Variants in MYO1D observed in about 807,000 individuals in gnomAD.
MYO1D encodes the protein myosin ID.
In MYO1D, 83 loss-of-function variants were observed where a neutral mutation model predicts 122.0. The observed-to-expected ratio is 0.68, with a 90% CI of 0.57 to 0.82. The LOEUF is 0.82. Among genes scored for constraint, MYO1D ranks in the 40% least tolerant of loss-of-function variants. The pLI, the probability that MYO1D is intolerant of heterozygous loss-of-function variation, is 0.00. For missense variants in MYO1D, 1,157 were observed against 1,269.5 expected (o/e 0.91, Z 1.35); for synonymous variants, 464 against 446.9 (o/e 1.04, Z -0.48).
intron 1 of MYO1D, among the ~76,000 whole-genome samples, chr17:32,842,082 CG>C (rs1274334838): frequency 6.6e-6 from 1 of 152,132 alleles, no homozygotes; most frequent in Non-Finnish European, 1.5e-5. Flanking sequence ...CAGCAAGTCT[CG>C]GCAGCCCCAA....
At chr17:32,841,851 A>T (rs932028645) in intron 1 of MYO1D, among the ~76,000 whole-genome samples, 1 of 152,130 alleles carries the variant, frequency 6.6e-6, no homozygotes, top group East Asian at 1.9e-4. Flanking sequence ...TCAGGTCTGC[A>T]GGGTATTTCT....
At position 32,825,947 on chromosome 17, in the gene MYO1D, G is replaced by C. The variant is rs563359600; in HGVS notation, c.96-45163C>G. ...CGCTTGTAGTCCCAGTTACTGGGAG[G>C]CTGAGGCAGGAGGATTGCCTCAGCC... On this transcript the variant is annotated intron_variant, in intron 1 of 21. Transcript: ENST00000318217. 4.6e-5 allele frequency among the ~76,000 whole-genome samples: 7 copies of C among 151,548 alleles called. No individual in the cohort carries two copies. In the South Asian group the frequency reaches 1.0e-3, roughly 23 times the overall value.
intron 20 of MYO1D, among the ~76,000 whole-genome samples, chr17:32,618,780 G>A (rs575515307): frequency 6.6e-6 from 1 of 151,922 alleles, no homozygotes; most frequent in African/African-American, 2.4e-5. Flanking sequence ...GATTACAGGC[G>A]ACTGCCACCA....
At chr17:32,796,978 GT>G (rs374568670) in intron 1 of MYO1D, among the ~76,000 whole-genome samples, 140 of 146,282 alleles carry the variant, frequency 9.6e-4, no homozygotes, top group African/African-American at 2.8e-3. Flanking sequence ...CACTTTTGTT[GT>G]TTTTTTTTTT....
At chr17:32,669,918 A>C (rs894552631) in intron 16 of MYO1D, among the ~76,000 whole-genome samples, 5 of 146,924 alleles carry the variant, frequency 3.4e-5, no homozygotes, top group Non-Finnish European at 7.5e-5. Flanking sequence ...TTTCAGGTGG[A>C]GTCTCACTCT....
At chr17:32,644,175 C>A (rs1286285504) in intron 19 of MYO1D, among the ~76,000 whole-genome samples, 1 of 151,944 alleles carries the variant, frequency 6.6e-6, no homozygotes, top group Non-Finnish European at 1.5e-5. Flanking sequence ...CGTTATGTAC[C>A]CAGTAGTTAT....
intron 21 of MYO1D, among the ~76,000 whole-genome samples, chr17:32,522,503 T>C (rs185671231): frequency 1.3e-5 from 2 of 152,338 alleles, no homozygotes; most frequent in East Asian, 3.9e-4. Context: ...AGTGAACATA[T>C]TAGGAAGACA....
At chr17:32,688,610 CA>C (rs1345564649) in intron 16 of MYO1D, among the ~76,000 whole-genome samples, 1 of 152,176 alleles carries the variant, frequency 6.6e-6, no homozygotes, top group Non-Finnish European at 1.5e-5. Context: ...GGTGAAAAAG[CA>C]GAGATGTTTG....
At position 32,655,415 on chromosome 17, in the gene MYO1D, C is replaced by T. The variant is rs2088462135; in HGVS notation, c.2346-794G>A. Among the ~76,000 whole-genome samples, 9 of 152,046 alleles carry T rather than the reference C, an allele frequency of 5.9e-5. 1 individual carries two copies. The South Asian group carries it at 1.5e-3, about 25-fold the overall frequency. On this transcript the variant is annotated intron_variant, in intron 17 of 21. Coordinates refer to ENST00000318217, the MANE Select transcript of MYO1D (RefSeq NM_015194.3). ...ATGGTGAAGGTAAGGCAAGGAGGAC[C>T]GGGAGTGTGGAAGATGGAAGGAATG... is the stretch of plus-strand genomic sequence containing the variant.
rs144095427 is a variant in MYO1D, at chr17:32,862,442, T to C, written c.95+14336A>G. Among the ~76,000 whole-genome samples the C allele has an allele frequency of 2.1e-3, 325 of 152,324 alleles. 1 individual carries two copies. Among genetic ancestry groups the C allele is most frequent in the African/African-American group, 6.9e-3 (289 of 41,584 alleles). ...GCATGGAAAAGCATTTAAGATACCA[T>C]GCTATGTGAGAAAACAGTTTACAAA... On this transcript the variant is annotated intron_variant, in intron 1 of 21. Transcript: ENST00000318217.
At chr17:32,667,296 C>G (rs1390398583) in intron 16 of MYO1D, among the ~76,000 whole-genome samples, 1 of 152,124 alleles carries the variant, frequency 6.6e-6, no homozygotes, top group African/African-American at 2.4e-5. Flanking sequence ...CTGAATTATT[C>G]CTCTTCCATT....
intron 16 of MYO1D, among the ~76,000 whole-genome samples, chr17:32,707,958 G>A (rs1360067709): frequency 6.6e-6 from 1 of 152,104 alleles, no homozygotes; most frequent in Non-Finnish European, 1.5e-5. Context: ...GAAGACTCTT[G>A]GAAGCCTGCT....
chr17:32,653,853 TG>T lies in MYO1D; in HGVS notation c.2584del (p.His862ThrfsTer5). On this transcript the variant is annotated frameshift_variant, in exon 19 of 22. Transcript: ENST00000318217. LOFTEE classifies it high-confidence loss of function. ...DKYMNVLFSC[H>X]VRKVNRFSKV... is the part of the protein sequence containing the mutation. ...TTAAGCTTGCCTTACCTTACGGACG[TG>T]ACAGGAAAAGAGGACATTCATGTAT... 1 of 1,613,412 alleles carries T rather than the reference TG, an allele frequency of 6.2e-7. No homozygotes were observed. Among genetic ancestry groups the T allele is most frequent in the Non-Finnish European group, 8.5e-7 (1 of 1,179,464 alleles).
At chr17:32,750,763 C>T (rs557495230) in intron 11 of MYO1D, among the ~76,000 whole-genome samples, 1 of 152,272 alleles carries the variant, frequency 6.6e-6, no homozygotes, top group South Asian at 2.1e-4. Context: ...TAGAGTCAGA[C>T]CTCCACGGTT....
At chr17:32,832,968 A>G (rs1194451962) in intron 1 of MYO1D, among the ~76,000 whole-genome samples, 1 of 152,220 alleles carries the variant, frequency 6.6e-6, no homozygotes, top group Non-Finnish European at 1.5e-5. Flanking sequence ...AGTGTTGTAT[A>G]TGGTACTCCC....
At chr17:32,722,571 G>A (rs949090336) in intron 14 of MYO1D, among the ~76,000 whole-genome samples, 1 of 152,078 alleles carries the variant, frequency 6.6e-6, no homozygotes, top group Admixed American at 6.5e-5. Flanking sequence ...TGAAGGACTC[G>A]TGATAGCACT....
At chr17:32,740,786 T>G (rs1297436184) in intron 13 of MYO1D, among the ~76,000 whole-genome samples, 1 of 152,130 alleles carries the variant, frequency 6.6e-6, no homozygotes, top group South Asian at 2.1e-4. Context: ...GAATGTAATA[T>G]TAACAAAATA....
intron 21 of MYO1D, chr17:32,518,407 C>T (rs1882436726): frequency 6.6e-6 from 1 of 152,128 alleles, no homozygotes; most frequent in African/African-American, 2.4e-5. Context: ...TGACGGGAAA[C>T]CTAATCTATC....
intron 1 of MYO1D, among the ~76,000 whole-genome samples, chr17:32,805,618 T>C (rs1005338634): frequency 6.6e-6 from 1 of 151,894 alleles, no homozygotes; most frequent in African/African-American, 2.4e-5. Context: ...CCATCAAAAT[T>C]AGACAGCATT....
Sources: gnomAD v4.1 joint callset for allele counts (sites outside exome capture counted in the v4.1 genomes callset) on GRCh38, gnomAD v4.1.1 for gene constraint, MANE v1.5 for transcripts, NCBI Gene and HGNC (gene_info 2026-07-23, HGNC 2026-07-21) for gene names.